SLC8B1: variants seen among roughly 807,000 people sequenced by gnomAD.
The protein encoded by SLC8B1 is solute carrier family 8 member B1, also known as mitochondrial sodium/calcium exchanger protein.
Under a neutral mutation model 63.4 loss-of-function variants are expected in SLC8B1, and 52 were observed. The observed-to-expected ratio is 0.82, with a 90% CI of 0.66 to 1.03. The LOEUF is 1.03. Ranked by LOEUF, SLC8B1 falls within the 50% of genes least tolerant of loss-of-function variation. SLC8B1 has a pLI of 0.00. For missense variants in SLC8B1, 657 were observed against 741.7 expected (o/e 0.89, Z 1.33); for synonymous variants, 336 against 323.9 (o/e 1.04, Z -0.40).
chr12:113,306,960 A>C, intron 13 of SLC8B1: 1 of 254,098 alleles, frequency 3.9e-6, no homozygotes, highest in Non-Finnish European at 7.5e-6. Flanking sequence ...AAAATACAAA[A>C]ATTAGCTGGG....
At position 113,299,102 on chromosome 12, in the gene SLC8B1, G is replaced by A. The variant is rs749430981; in HGVS notation, c.*675C>T. On this transcript the variant is annotated 3_prime_UTR_variant, in exon 16 of 16. Coordinates refer to ENST00000680972, the MANE Select transcript of SLC8B1 (RefSeq NM_001358345.2). Reference sequence around the variant, plus strand: ...GGGAGCGCCTGAGCCACCATCCCATGTGGCAGCTGCTGGCGTAGCAGTGCC... The same window carrying A: ...GGGAGCGCCTGAGCCACCATCCCATATGGCAGCTGCTGGCGTAGCAGTGCC... 5 of 153,490 alleles carry A rather than the reference G, an allele frequency of 3.3e-5. No individual in the cohort carries two copies. The highest frequency in any genetic ancestry group is 7.2e-5 in the Non-Finnish European group (5 of 68,966). The allele number at this position is 153,490 out of a possible 1,614,324, so 9.5% of individuals were successfully genotyped here.
At chr12:113,330,058 C>A (rs554837767) in intron 2 of SLC8B1, among the ~76,000 whole-genome samples, 1 of 152,182 alleles carries the variant, frequency 6.6e-6, no homozygotes, top group Non-Finnish European at 1.5e-5. Flanking sequence ...CTCAGAGAGG[C>A]CTTCCATGAT....
intron 11 of SLC8B1, among the ~76,000 whole-genome samples, chr12:113,314,667 C>G (rs2136841000): frequency 6.6e-6 from 1 of 152,302 alleles, no homozygotes; most frequent in East Asian, 1.9e-4. Context: ...GCCACAGGCA[C>G]CCCATAGGGG....
chr12:113,327,614 G>A (rs1223174691), intron 2 of SLC8B1, among the ~76,000 whole-genome samples: 6 of 151,532 alleles, frequency 4.0e-5, no homozygotes, highest in Non-Finnish European at 7.4e-5. Context: ...CCCGGGAGGC[G>A]GAGGTTGCAG....
At chr12:113,307,880 A>T in intron 12 of SLC8B1, 36 bp from the exon 13 acceptor site, 1 of 1,601,574 alleles carries the variant, frequency 6.2e-7, no homozygotes, top group Non-Finnish European at 8.5e-7. Flanking sequence ...GACCAAGGCC[A>T]GCCCCAACAG....
chr12:113,316,411 C>T (rs568555267), intron 10 of SLC8B1, 115 bp downstream of exon 10: 2 of 1,333,764 alleles, frequency 1.5e-6, no homozygotes, highest in African/African-American at 1.5e-5. Flanking sequence ...GTCATGTATT[C>T]TGAGAGGGTC....
rs191186440 is a variant in SLC8B1, at chr12:113,299,663, C to T, written c.*114G>A. The T allele has an allele frequency of 2.1e-6, 2 of 968,406 alleles. No individual in the cohort carries two copies. The highest frequency in any genetic ancestry group is 2.6e-5 in the East Asian group (1 of 39,176). The allele number at this position is 968,406 out of a possible 1,614,324, so 60.0% of individuals were successfully genotyped here. ...GACCTCAGATCTCCAGCAGCAAGGG[C>T]CGCACTCTCGTGCCCACAAGGGCCT... On this transcript the variant is annotated 3_prime_UTR_variant, in exon 16 of 16. Coordinates refer to ENST00000680972, the MANE Select transcript of SLC8B1 (RefSeq NM_001358345.2).
intron 8 of SLC8B1, among the ~76,000 whole-genome samples, chr12:113,317,921 A>G (rs573809920): frequency 8.6e-5 from 13 of 151,698 alleles, no homozygotes; most frequent in Admixed American, 1.3e-4. Flanking sequence ...ATGTATGTGT[A>G]TGTTGCATGT....
In SLC8B1 at chr12:113,306,538, G is replaced by T. The variant is rs971085553; in HGVS notation, c.1449C>A (p.Tyr483Ter). 3.1e-6 allele frequency: 5 copies of T among 1,613,872 alleles called. No individual in the cohort carries two copies. The highest frequency in any genetic ancestry group is 4.2e-6 in the Non-Finnish European group (5 of 1,179,978). Residue 483 changes from tyrosine to a stop codon, truncating the protein, a stop_gained, in exon 14 of 16, where the codon TAC (tyrosine) becomes TAA (stop). Transcript: ENST00000680972. LOFTEE classifies it high-confidence loss of function. ...FSDFTLARQG[Y>*]PRMAFSACFG... ...AGCAGGCGGAGAACGCCATCCGTGG[G>T]TAGCCCTGGCGAGCCAGTGTGAAAT...
chr12:113,308,057 C>T, intron 12 of SLC8B1: 1 of 552,762 alleles, frequency 1.8e-6, no homozygotes, highest in Non-Finnish European at 2.9e-6. Context: ...TAATAAACTC[C>T]CTTTCAGGCC....
intron 14 of SLC8B1, among the ~76,000 whole-genome samples, chr12:113,304,677 A>C (rs1956648573): frequency 6.6e-6 from 1 of 152,124 alleles, no homozygotes; most frequent in Non-Finnish European, 1.5e-5. Context: ...AACACGGCTC[A>C]CTGCAGCCTC....
chr12:113,313,271 T>C (rs1447189859), intron 11 of SLC8B1, among the ~76,000 whole-genome samples: 1 of 152,104 alleles, frequency 6.6e-6, no homozygotes, highest in East Asian at 1.9e-4. Context: ...GATGCAATTC[T>C]ACTACAGTTT....
In SLC8B1 at chr12:113,320,514, C is replaced by T; in HGVS notation, c.527-16G>A. On this transcript the variant is annotated splice_polypyrimidine_tract_variant and intron_variant, in intron 6 of 15. Transcript: ENST00000680972. The surrounding 1 kb of genome is among the most constrained non-coding windows in gnomAD (Gnocchi z 5.3). Reference sequence around the variant, plus strand: ...ACGCCAGCGCCTGGGGGGAGGAGGCCAGAGCTCAGCCACCCTGCACCCTCT... The same window carrying T: ...ACGCCAGCGCCTGGGGGGAGGAGGCTAGAGCTCAGCCACCCTGCACCCTCT... The T allele has an allele frequency of 6.2e-7, 1 of 1,614,002 alleles. No homozygotes were observed. The highest frequency in any genetic ancestry group is 8.5e-7 in the Non-Finnish European group (1 of 1,179,992).
chr12:113,332,882 C>A lies in SLC8B1; in HGVS notation c.-4G>T, dbSNP rs1393827238. On this transcript the variant is annotated 5_prime_UTR_variant, in exon 2 of 16. Coordinates refer to ENST00000680972, the MANE Select transcript of SLC8B1 (RefSeq NM_001358345.2). ...GATTCAGCCTTCTGCCGGCCATCTG[C>A]CCCCACGGGGCCTGGCCCTTACTCT... The A allele has an allele frequency of 1.2e-6, 2 of 1,613,592 alleles. No individual in the cohort carries two copies. Among genetic ancestry groups the A allele is most frequent in the Non-Finnish European group, 1.7e-6 (2 of 1,179,874 alleles).
chr12:113,320,502 G>C lies in SLC8B1; in HGVS notation c.527-4C>G, dbSNP rs199730415. 1.1e-5 allele frequency: 17 copies of C among 1,613,906 alleles called. No homozygotes were observed. The highest frequency in any genetic ancestry group is 1.0e-4 in the Admixed American group (6 of 60,000). On this transcript the variant is annotated splice_polypyrimidine_tract_variant and splice_region_variant and intron_variant, in intron 6 of 15. Coordinates refer to ENST00000680972, the MANE Select transcript of SLC8B1 (RefSeq NM_001358345.2). This position sits in a 1 kb window ranked among gnomAD's most constrained non-coding sequence, Gnocchi z 5.3. ...GTGGTAACCAGCACGCCAGCGCCTG[G>C]GGGGAGGAGGCCAGAGCTCAGCCAC...
chr12:113,327,937 C>T (rs925007479), intron 2 of SLC8B1, among the ~76,000 whole-genome samples: 1 of 143,268 alleles, frequency 7.0e-6, no homozygotes, highest in Non-Finnish European at 1.5e-5. Flanking sequence ...GAGATTGCAC[C>T]ATTGCACTCC....
intron 8 of SLC8B1, 124 bp from the exon 9 acceptor site, chr12:113,317,125 G>A: frequency 1.2e-6 from 1 of 841,128 alleles, no homozygotes; most frequent in East Asian, 2.7e-5. Flanking sequence ...TTTGGGACAG[G>A]ATCTTTCTCT....
chr12:113,304,446 C>T (rs1385629414), intron 14 of SLC8B1, 61 bp from the exon 15 acceptor site: 4 of 1,477,506 alleles, frequency 2.7e-6, no homozygotes, highest in Admixed American at 1.7e-5. Context: ...CCACATAGCC[C>T]GTTCCTCCTA....
rs1566240028 is a variant in SLC8B1 at position 113,321,323 on chromosome 12, A to G, written c.182T>C (p.Val61Ala). The stretch of plus-strand genomic sequence containing the variant: ...CCGGATGAAGTCACAGCGGTCAGAG[A>G]CATTCAGGCCACACACCTTGCGGCA... ...VDCRKVCGLN[V>A]SDRCDFIRTN... is the part of the protein sequence containing the mutation. The change falls in exon 3 of 16, where the codon GTC becomes GCC. Residue 61 changes from valine to alanine, a missense_variant. By Grantham distance (64) the Val-to-Ala change is moderately conservative. Transcript: ENST00000680972. 2 of 1,614,104 alleles carry G rather than the reference A, an allele frequency of 1.2e-6. No individual in the cohort carries two copies. The highest frequency in any genetic ancestry group is 1.7e-5 in the Admixed American group (1 of 59,992).
Sources: gnomAD v4.1 joint callset for allele counts (sites outside exome capture counted in the v4.1 genomes callset) on GRCh38, gnomAD v4.1.1 for gene constraint, Gnocchi (gnomAD v3.1) non-coding constraint, MANE v1.5 for transcripts, NCBI Gene and HGNC (gene_info 2026-07-23, HGNC 2026-07-21) for gene names.